The following RPE variants were observed in gnomAD, a reference collection of about 807,000 sequenced individuals.
The protein encoded by RPE is ribulose-5-phosphate-3-epimerase, also known as ribulose-phosphate 3-epimerase.
Under a neutral mutation model 24.6 loss-of-function variants are expected in RPE, and 16 were observed. That is an observed-to-expected ratio of 0.65 (90% CI 0.44 to 0.99). The LOEUF (loss-of-function observed/expected upper bound fraction) is 0.99. RPE is among the 50% of genes least tolerant of loss of function. RPE has a pLI of 0.00. For synonymous variants in RPE, 93 were observed against 98.4 expected (o/e 0.94, Z 0.33); for missense variants, 240 against 294.5 (o/e 0.81, Z 1.35).
At chr2:210,015,299 C>T (rs182051622) in intron 2 of RPE, among the ~76,000 whole-genome samples, 1 of 152,328 alleles carries the variant, frequency 6.6e-6, no homozygotes, top group East Asian at 1.9e-4. Context: ...ATCGTAGCTT[C>T]CTCAGTCGAT....
At chr2:210,011,993 T>A (rs539300111) in intron 2 of RPE, among the ~76,000 whole-genome samples, 8 of 152,292 alleles carry the variant, frequency 5.3e-5, no homozygotes, top group African/African-American at 1.9e-4. Flanking sequence ...CCTTTGTTTT[T>A]TATATTGAGA....
At chr2:210,015,864 A>C in intron 2 of RPE, 109 bp from the exon 3 acceptor site, 1 of 1,059,348 alleles carries the variant, frequency 9.4e-7, no homozygotes. Flanking sequence ...GATTTGTGTG[A>C]TGGCCAAAGA....
intron 4 of RPE, 61 bp from the exon 5 acceptor site, chr2:210,017,411 AC>A (rs1367717324): frequency 2.7e-6 from 1 of 365,924 alleles, no homozygotes; most frequent in Non-Finnish European, 5.3e-6. Flanking sequence ...ATTGTCCCCC[AC>A]CCCCACCCCC....
chr2:210,005,068 G>T (rs1303630939), intron 1 of RPE, among the ~76,000 whole-genome samples: 2 of 151,838 alleles, frequency 1.3e-5, no homozygotes, highest in East Asian at 3.9e-4. Context: ...AGTGTAGGGA[G>T]ATTCAGCTTC....
chr2:210,003,397 C>G, intron 1 of RPE: 4 of 1,207,278 alleles, frequency 3.3e-6, no homozygotes, highest in Non-Finnish European at 4.4e-6. Context: ...TTAATTACAT[C>G]ATTATTACAA....
chr2:210,008,297 T>G (rs1423284022), intron 1 of RPE, among the ~76,000 whole-genome samples: 4,861 of 146,648 alleles, frequency 0.033, 430 homozygotes, highest in African/African-American at 0.11. Context: ...TTTTTGTTTT[T>G]TTTTTTTTTT....
chr2:210,005,485 A>G (rs2093618477), intron 1 of RPE, among the ~76,000 whole-genome samples: 1 of 152,188 alleles, frequency 6.6e-6, no homozygotes, highest in African/African-American at 2.4e-5. Context: ...AACCCTAGAA[A>G]ACACATAAAT....
intron 4 of RPE, among the ~76,000 whole-genome samples, chr2:210,017,089 C>G (rs2075115): frequency 0.38 from 57,515 of 152,058 alleles, 12,635 homozygotes; most frequent in Middle Eastern, 0.55. Context: ...AGCTGTCCTC[C>G]CACCTTGGTC....
chr2:210,022,003 C>CTTTTT lies in RPE; in HGVS notation c.*2222_*2226dup, dbSNP rs553479918. Reference sequence around the variant, plus strand: ...CTTGCTAATCTAGAAATACAATCATCTTTTTTTTTTTTTTCAAATTTTATA... The same window carrying CTTTTT: ...CTTGCTAATCTAGAAATACAATCATCTTTTTTTTTTTTTTTTTTTCAAATTTTATA... On this transcript the variant is annotated 3_prime_UTR_variant, in exon 6 of 6. Transcript: ENST00000359429. 111 of 134,694 alleles carry CTTTTT rather than the reference C, an allele frequency of 8.2e-4. No individual in the cohort carries two copies. Among genetic ancestry groups the CTTTTT allele is most frequent in the African/African-American group, 2.9e-3 (107 of 36,696 alleles). 8.3% of individuals were successfully genotyped at this position (134,694 alleles called of 1,614,324 possible). A position where few individuals can be genotyped will look rare whatever the true frequency, so the allele number is the denominator to read the frequency against.
At chr2:210,013,763 C>T (rs983607600) in intron 2 of RPE, among the ~76,000 whole-genome samples, 1 of 151,970 alleles carries the variant, frequency 6.6e-6, no homozygotes, top group South Asian at 2.1e-4. Flanking sequence ...TCCCAAAGTG[C>T]CAGGATTACA....
chr2:210,007,192 C>T (rs1002831743), intron 1 of RPE, among the ~76,000 whole-genome samples: 1 of 152,202 alleles, frequency 6.6e-6, no homozygotes, highest in Non-Finnish European at 1.5e-5. Flanking sequence ...ATTTAATATA[C>T]AGAAAGTCTT....
At chr2:210,013,515 A>G (rs189955115) in intron 2 of RPE, among the ~76,000 whole-genome samples, 12 of 152,062 alleles carry the variant, frequency 7.9e-5, no homozygotes, top group East Asian at 7.7e-4. Context: ...GAGTCTTACT[A>G]TGTTGCCCAG....
In RPE at chr2:210,017,544, C is replaced by G. The variant is rs776855287; in HGVS notation, c.549C>G (p.Val183=). 3.1e-6 allele frequency: 5 copies of G among 1,612,970 alleles called. No homozygotes were observed. The highest frequency in any genetic ancestry group is 4.2e-6 in the Non-Finnish European group (5 of 1,179,488). ...EVDGGVGPDT[V]HKCAEAGANM... ...ATGGTGGAGTAGGTCCTGACACTGT[C>G]CATAAATGTGCAGAGGTGAGATTGC... The change falls in exon 5 of 6, where the codon GTC becomes GTG. Residue 183 remains valine, a synonymous_variant. Transcript: ENST00000359429.
chr2:210,007,756 G>A (rs1320016971), intron 1 of RPE, among the ~76,000 whole-genome samples: 1 of 152,050 alleles, frequency 6.6e-6, no homozygotes, highest in Non-Finnish European at 1.5e-5. Flanking sequence ...CACGTTACCT[G>A]CCTGTTATTG....
At chr2:210,012,423 C>A (rs1415998795) in intron 2 of RPE, among the ~76,000 whole-genome samples, 2 of 152,190 alleles carry the variant, frequency 1.3e-5, no homozygotes, top group Non-Finnish European at 2.9e-5. Context: ...CAATAAATAT[C>A]CTTGATGAAG....
intron 5 of RPE, among the ~76,000 whole-genome samples, chr2:210,019,397 C>T (rs757863105): frequency 7.2e-5 from 11 of 152,082 alleles, no homozygotes; most frequent in Non-Finnish European, 7.4e-5. Flanking sequence ...ATCTAAAGGT[C>T]GCAAAGATAC....
At chr2:210,016,295 A>C (rs767627860) in intron 3 of RPE, 183 bp downstream of exon 3, 13 of 1,606,848 alleles carry the variant, frequency 8.1e-6, no homozygotes, top group Non-Finnish European at 1.1e-5. Context: ...TTCTTCAGCT[A>C]TGATGCCAGG....
At chr2:210,011,926 C>T (rs1480658327) in intron 2 of RPE, among the ~76,000 whole-genome samples, 1 of 150,936 alleles carries the variant, frequency 6.6e-6, no homozygotes, top group East Asian at 1.9e-4. Context: ...AAGCCATCCT[C>T]CTGCCTTGGC....
intron 5 of RPE, among the ~76,000 whole-genome samples, chr2:210,019,061 C>T (rs546007773): frequency 6.6e-6 from 1 of 152,204 alleles, no homozygotes; most frequent in Non-Finnish European, 1.5e-5. Flanking sequence ...AATTTGGACC[C>T]AATTTTTTAG....
Sources: gnomAD v4.1 joint callset for allele counts (sites outside exome capture counted in the v4.1 genomes callset) on GRCh38, gnomAD v4.1.1 for gene constraint, MANE v1.5 for transcripts, NCBI Gene and HGNC (gene_info 2026-07-23, HGNC 2026-07-21) for gene names.